Variants in NXPE2 observed in about 807,000 individuals in gnomAD.
NXPE2 encodes the protein NXPE family member 2.
Under a neutral mutation model 34.4 loss-of-function variants are expected in NXPE2, and 34 were observed. The observed-to-expected ratio is 0.99, with a 90% CI of 0.75 to 1.31. The LOEUF is 1.31. Ranked by LOEUF, NXPE2 falls within the 40% of genes most tolerant of loss-of-function variation. The pLI, the probability that NXPE2 is intolerant of heterozygous loss-of-function variation, is 0.00. For missense variants in NXPE2, 649 were observed against 672.5 expected (o/e 0.97, Z 0.39); for synonymous variants, 235 against 231.3 (o/e 1.02, Z -0.15).
chr11:114,720,588 G>T, the NXPE2 span, among the ~76,000 whole-genome samples: 5,565 of 151,806 alleles, frequency 0.037, 356 homozygotes, highest in African/African-American at 0.13. Context: ...GCAAATGCAG[G>T]TGTGCTCTAA....
the NXPE2 span, among the ~76,000 whole-genome samples, chr11:114,633,669 G>A: frequency 1.4e-5 from 2 of 148,112 alleles, no homozygotes; most frequent in Admixed American, 6.9e-5. Flanking sequence ...CTGTGTCCAT[G>A]TGTTCTCATT....
At chr11:114,540,858 T>TGGC in the NXPE2 span, among the ~76,000 whole-genome samples, 2 of 64,220 alleles carry the variant, frequency 3.1e-5, no homozygotes, top group South Asian at 7.0e-4. Context: ...TTTTTTTTTT[T>TGGC]TTTTTTTTTT....
the NXPE2 span, among the ~76,000 whole-genome samples, chr11:114,608,192 A>G: frequency 1.3e-5 from 2 of 151,814 alleles, no homozygotes; most frequent in East Asian, 1.9e-4. Context: ...GTGGGTAACC[A>G]TGGTTACCCG....
downstream of NXPE2, among the ~76,000 whole-genome samples, chr11:114,711,641 T>C (rs1448309512): frequency 3.3e-5 from 5 of 152,198 alleles, no homozygotes; most frequent in Non-Finnish European, 5.9e-5. Context: ...CCCATGCTTG[T>C]GGATTGAAAG....
chr11:114,623,832 C>G, the NXPE2 span, among the ~76,000 whole-genome samples: 4 of 152,094 alleles, frequency 2.6e-5, no homozygotes, highest in Non-Finnish European at 5.9e-5. Flanking sequence ...ACCACTGTTA[C>G]CTGGTGGATA....
At chr11:114,527,931 GCCTGCTCTCTGCC>G in the NXPE2 span, 6 of 1,544,756 alleles carry the variant, frequency 3.9e-6, no homozygotes, top group Non-Finnish European at 5.3e-6. Flanking sequence ...CAATAAATTA[GCCTGCTCTCTGCC>G]CATGTAACAC....
the NXPE2 span, among the ~76,000 whole-genome samples, chr11:114,664,052 G>A: frequency 7.9e-5 from 12 of 152,132 alleles, no homozygotes; most frequent in East Asian, 2.3e-3. Context: ...GAAAACTTAC[G>A]TTCACACAAA....
chr11:114,731,236 T>C, the NXPE2 span, among the ~76,000 whole-genome samples: 1 of 152,130 alleles, frequency 6.6e-6, no homozygotes, highest in Non-Finnish European at 1.5e-5. Flanking sequence ...CAAATGCTGG[T>C]GAGGATGTAA....
At chr11:114,514,382 A>G in the NXPE2 span, among the ~76,000 whole-genome samples, 18 of 152,146 alleles carry the variant, frequency 1.2e-4, no homozygotes, top group African/African-American at 3.9e-4. Context: ...TTTTTGTTCT[A>G]GTGATTATCT....
At chr11:114,464,918 A>T in the NXPE2 span, among the ~76,000 whole-genome samples, 1 of 152,210 alleles carries the variant, frequency 6.6e-6, no homozygotes, top group Non-Finnish European at 1.5e-5. Context: ...CATAAAAGAG[A>T]AACTTGAATG....
the NXPE2 span, chr11:114,528,740 G>A: frequency 1.7e-6 from 1 of 574,708 alleles, no homozygotes; most frequent in Non-Finnish European, 3.3e-6. Context: ...AAGGAAGAAA[G>A]GGATTAAGGG....
At chr11:114,649,899 G>T in the NXPE2 span, among the ~76,000 whole-genome samples, 1 of 152,156 alleles carries the variant, frequency 6.6e-6, no homozygotes, top group African/African-American at 2.4e-5. Context: ...TCTAGGGCTG[G>T]TTGGTAAATG....
At chr11:114,736,068 G>A in the NXPE2 span, among the ~76,000 whole-genome samples, 3 of 152,164 alleles carry the variant, frequency 2.0e-5, no homozygotes, top group Non-Finnish European at 4.4e-5. Context: ...GTGGGTCAGA[G>A]AGATCACATA....
chr11:114,736,978 A>G, the NXPE2 span, among the ~76,000 whole-genome samples: 1 of 152,110 alleles, frequency 6.6e-6, no homozygotes, highest in Non-Finnish European at 1.5e-5. Context: ...TCTCTCTGGA[A>G]GTGATAACCT....
At chr11:114,606,384 C>A in the NXPE2 span, among the ~76,000 whole-genome samples, 3 of 151,678 alleles carry the variant, frequency 2.0e-5, no homozygotes, top group African/African-American at 2.4e-5. Context: ...AGTGTTGCCT[C>A]ATGGGTAACC....
the NXPE2 span, among the ~76,000 whole-genome samples, chr11:114,475,359 T>C: frequency 6.7e-6 from 1 of 149,538 alleles, no homozygotes; most frequent in East Asian, 2.1e-4. Flanking sequence ...TTCTCCTGCC[T>C]CAGCCTCTCC....
the NXPE2 span, among the ~76,000 whole-genome samples, chr11:114,812,198 G>A: frequency 6.6e-6 from 1 of 152,168 alleles, no homozygotes; most frequent in Non-Finnish European, 1.5e-5. Context: ...GTCCAGAGGT[G>A]ATCAAGTGGC....
At chr11:114,775,914 G>T in the NXPE2 span, among the ~76,000 whole-genome samples, 2 of 151,224 alleles carry the variant, frequency 1.3e-5, no homozygotes, top group African/African-American at 4.8e-5. Context: ...GCCACTCTCA[G>T]GGGAATGAAT....
At chr11:114,669,790 A>C in the NXPE2 span, among the ~76,000 whole-genome samples, 2 of 152,090 alleles carry the variant, frequency 1.3e-5, no homozygotes, top group African/African-American at 2.4e-5. Flanking sequence ...AGTCCTAAAA[A>C]AAACTCTTCC....
Sources: allele counts gnomAD v4.1 joint callset (sites outside exome capture counted in the v4.1 genomes callset), GRCh38; gene constraint gnomAD v4.1.1; transcripts MANE v1.5; gene names NCBI Gene and HGNC (gene_info 2026-07-23, HGNC 2026-07-21).